The following CNTN4 variants were observed in gnomAD, a reference collection of about 807,000 sequenced individuals.
The protein encoded by CNTN4 is contactin-4.
CNTN4 carries 77 observed loss-of-function variants against 122.5 expected under a neutral mutation model. That is an observed-to-expected ratio of 0.63 (90% CI 0.52 to 0.76). The LOEUF (loss-of-function observed/expected upper bound fraction) is 0.76. Among genes scored for constraint, CNTN4 ranks in the 30% least tolerant of loss-of-function variants. The probability of loss-of-function intolerance (pLI) is 0.00; values close to 1 mark genes in which losing one functional copy is unlikely to be tolerated. For synonymous variants in CNTN4, 512 were observed against 447.0 expected, an observed-to-expected ratio of 1.15 and a Z score of -1.83; for missense variants, 1,256 against 1,259.1, an observed-to-expected ratio of 1.00 and a Z score of 0.04.
At chr3:2,228,001 G>A (rs1051555937) in intron 2 of CNTN4, among the ~76,000 whole-genome samples, 1 of 152,064 alleles carries the variant, frequency 6.6e-6, no homozygotes, top group Non-Finnish European at 1.5e-5. Flanking sequence ...CAAATTAAGG[G>A]TGTTTAAATA....
chr3:2,290,927 A>AT (rs1362626778), intron 2 of CNTN4, among the ~76,000 whole-genome samples: 3 of 152,288 alleles, frequency 2.0e-5, no homozygotes, highest in South Asian at 4.1e-4. Flanking sequence ...ACACTATAGG[A>AT]TTTTTTAAAA....
chr3:2,762,828 G>C (rs570332539), intron 6 of CNTN4, among the ~76,000 whole-genome samples: 7 of 151,512 alleles, frequency 4.6e-5, no homozygotes, highest in Non-Finnish European at 8.8e-5. Context: ...CTATAACCTT[G>C]CCAGCATCTG....
intron 4 of CNTN4, among the ~76,000 whole-genome samples, chr3:2,583,192 C>G (rs2080025897): frequency 6.6e-6 from 1 of 152,190 alleles, no homozygotes; most frequent in Non-Finnish European, 1.5e-5. Context: ...AAGCTTTGCT[C>G]TACTCTTTTC....
At chr3:2,706,587 A>C (rs114904422) in intron 4 of CNTN4, among the ~76,000 whole-genome samples, 1,768 of 152,218 alleles carry the variant, frequency 0.012, 39 homozygotes, top group African/African-American at 0.041. Flanking sequence ...TGGATATTTC[A>C]TCGCAAATGA....
chr3:2,310,118 A>AGATGGATG (rs10662558), intron 2 of CNTN4, among the ~76,000 whole-genome samples: 4 of 151,754 alleles, frequency 2.6e-5, no homozygotes, highest in African/African-American at 7.3e-5. Flanking sequence ...TGTTGGTACC[A>AGATGGATG]GATGGATGGA....
At chr3:2,980,398 A>G (rs1693847379) in intron 13 of CNTN4, among the ~76,000 whole-genome samples, 1 of 128,856 alleles carries the variant, frequency 7.8e-6, no homozygotes, top group Non-Finnish European at 1.5e-5. Context: ...CCAAGAACAG[A>G]TTTACATTTT....
At chr3:2,133,462 G>A (rs895026870) in intron 2 of CNTN4, among the ~76,000 whole-genome samples, 5 of 152,164 alleles carry the variant, frequency 3.3e-5, no homozygotes, top group Admixed American at 6.5e-5. Context: ...TGCAAATAGT[G>A]ATAAGGAGCA....
chr3:2,503,120 T>C (rs375189631), intron 3 of CNTN4, among the ~76,000 whole-genome samples: 16 of 152,158 alleles, frequency 1.1e-4, no homozygotes, highest in Non-Finnish European at 2.4e-4. Context: ...ATAGTTACAA[T>C]GCATTGTGCC....
chr3:3,036,528 C>T (rs1169831124), intron 17 of CNTN4, among the ~76,000 whole-genome samples: 1 of 151,836 alleles, frequency 6.6e-6, no homozygotes, highest in Admixed American at 6.6e-5. Flanking sequence ...TTTGATAGGC[C>T]AAGGCGGGTG....
chr3:2,836,042 A>G (rs139013782), intron 7 of CNTN4, among the ~76,000 whole-genome samples: 1 of 152,288 alleles, frequency 6.6e-6, no homozygotes, highest in African/African-American at 2.4e-5. Context: ...AAAAGAGCAT[A>G]TAATTTTCTA....
intron 2 of CNTN4, among the ~76,000 whole-genome samples, chr3:2,229,860 A>G (rs1353117111): frequency 6.6e-6 from 1 of 152,180 alleles, no homozygotes; most frequent in Admixed American, 6.5e-5. Context: ...CTTAACAATC[A>G]AGTATCTCCA....
intron 4 of CNTN4, among the ~76,000 whole-genome samples, chr3:2,671,031 T>C (rs1424460375): frequency 3.9e-5 from 6 of 152,314 alleles, no homozygotes; most frequent in Middle Eastern, 6.8e-3. Flanking sequence ...TAACATTTTT[T>C]CCTTCATTTC....
chr3:2,559,820 G>C (rs559508682), intron 3 of CNTN4, among the ~76,000 whole-genome samples: 9 of 152,200 alleles, frequency 5.9e-5, no homozygotes, highest in Non-Finnish European at 1.3e-4. Flanking sequence ...GTGTACTTCT[G>C]CTCTTTGAGA....
chr3:2,721,541 A>G (rs147504226), intron 4 of CNTN4, among the ~76,000 whole-genome samples: 184 of 152,232 alleles, frequency 1.2e-3, no homozygotes, highest in African/African-American at 4.3e-3. Flanking sequence ...CTTCCTGCAT[A>G]TGGTACTGAA....
intron 2 of CNTN4, among the ~76,000 whole-genome samples, chr3:2,193,300 C>T (rs191002258): frequency 1.5e-4 from 23 of 151,882 alleles, no homozygotes; most frequent in Admixed American, 1.2e-3. Flanking sequence ...TGTCCTAAAG[C>T]CTCATTACTC....
At chr3:2,971,948 TG>T (rs1417309063) in intron 13 of CNTN4, among the ~76,000 whole-genome samples, 3 of 152,180 alleles carry the variant, frequency 2.0e-5, no homozygotes, top group Non-Finnish European at 2.9e-5. Flanking sequence ...GAAATAAACC[TG>T]AATGCTTATA....
intron 7 of CNTN4, among the ~76,000 whole-genome samples, chr3:2,819,976 C>T (rs1027505024): frequency 6.6e-6 from 1 of 152,172 alleles, no homozygotes; most frequent in African/African-American, 2.4e-5. Flanking sequence ...CGCAATACTT[C>T]TGACACCAAA....
At chr3:2,487,582 G>A (rs1299665556) in intron 3 of CNTN4, among the ~76,000 whole-genome samples, 1 of 152,138 alleles carries the variant, frequency 6.6e-6, no homozygotes, top group East Asian at 1.9e-4. Context: ...CTTTAGCACA[G>A]ATTATTTCCT....
chr3:2,913,594 C>G (rs949976753), intron 12 of CNTN4, among the ~76,000 whole-genome samples: 25 of 152,204 alleles, frequency 1.6e-4, no homozygotes, highest in African/African-American at 5.3e-4. Context: ...GATAAAAGGA[C>G]TGATTCATCA....
Sources: gnomAD v4.1 joint callset for allele counts (sites outside exome capture counted in the v4.1 genomes callset) on GRCh38, gnomAD v4.1.1 for gene constraint, MANE v1.5 for transcripts, NCBI Gene and HGNC (gene_info 2026-07-23, HGNC 2026-07-21) for gene names.